The following ATP8A2 variants were observed in gnomAD, a reference collection of about 807,000 sequenced individuals.
The protein encoded by ATP8A2 is phospholipid-transporting ATPase IB.
Under a neutral mutation model 165.6 loss-of-function variants are expected in ATP8A2, and 100 were observed. That is an observed-to-expected ratio of 0.60 (90% CI 0.51 to 0.71). The LOEUF (loss-of-function observed/expected upper bound fraction) is 0.71, where lower values mean the gene tolerates loss of function less well. ATP8A2 is among the 30% of genes least tolerant of loss of function. The probability of loss-of-function intolerance (pLI) is 0.00; values close to 1 mark genes in which losing one functional copy is unlikely to be tolerated. For synonymous variants in ATP8A2, 543 were observed against 548.8 expected (o/e 0.99, Z 0.15); for missense variants, 1,227 against 1,479.5 (o/e 0.83, Z 2.80).
intron 25 of ATP8A2, among the ~76,000 whole-genome samples, chr13:25,739,625 T>C (rs1472843956): frequency 6.6e-6 from 1 of 152,126 alleles, no homozygotes; most frequent in Non-Finnish European, 1.5e-5. Flanking sequence ...AAGCTTAACA[T>C]AAATGGCAAG....
chr13:25,988,632 G>A (rs1353624078), intron 35 of ATP8A2, among the ~76,000 whole-genome samples: 2 of 152,132 alleles, frequency 1.3e-5, no homozygotes, highest in Non-Finnish European at 2.9e-5. Context: ...ATTCCAAAGT[G>A]CCCAGGACTG....
In ATP8A2 at chr13:25,873,829, G is replaced by T. The variant is rs942735883; in HGVS notation, c.3183+11421G>T. 7 of 169,000 alleles carry T rather than the reference G, an allele frequency of 4.1e-5. No homozygotes were observed. The East Asian group carries it at 9.4e-4, about 23-fold the overall frequency. The allele number at this position is 169,000 out of a possible 1,614,324, so 10.5% of individuals were successfully genotyped here. ...AATTTTTTGTATATTTAGTTTCACCGTGTTAGCCAGGATGTTGTTGATCTC... is the reference window on the plus strand; with the variant it reads ...AATTTTTTGTATATTTAGTTTCACCTTGTTAGCCAGGATGTTGTTGATCTC... On this transcript the variant is annotated intron_variant, in intron 33 of 36. Coordinates refer to ENST00000381655, the MANE Select transcript of ATP8A2 (RefSeq NM_016529.6).
intron 25 of ATP8A2, among the ~76,000 whole-genome samples, chr13:25,725,522 G>A (rs999263975): frequency 6.6e-6 from 1 of 152,170 alleles, no homozygotes; most frequent in Admixed American, 6.5e-5. Context: ...AGGGGTGCTG[G>A]GGTGCAGATG....
At chr13:25,955,062 G>T (rs1004382721) in intron 33 of ATP8A2, among the ~76,000 whole-genome samples, 2 of 152,164 alleles carry the variant, frequency 1.3e-5, no homozygotes, top group Non-Finnish European at 2.9e-5. Flanking sequence ...TGAGCTAAAG[G>T]AGCATGTTCT....
chr13:25,998,191 G>C (rs945045641), intron 35 of ATP8A2, among the ~76,000 whole-genome samples: 2 of 152,188 alleles, frequency 1.3e-5, no homozygotes, highest in Non-Finnish European at 2.9e-5. Flanking sequence ...CCAGTGAAGA[G>C]GGAAAAGGAT....
intron 24 of ATP8A2, among the ~76,000 whole-genome samples, chr13:25,636,396 G>C (rs1251307402): frequency 1.3e-5 from 2 of 152,136 alleles, no homozygotes; most frequent in Non-Finnish European, 1.5e-5. Flanking sequence ...TATATGCATG[G>C]GGTATCCTCG....
chr13:25,811,509 G>A (rs969517575), intron 27 of ATP8A2, among the ~76,000 whole-genome samples: 3 of 152,086 alleles, frequency 2.0e-5, no homozygotes, highest in East Asian at 1.9e-4. Flanking sequence ...TCCTTGCCCC[G>A]GTTGTACTTC....
At chr13:25,898,194 A>G (rs1456615163) in intron 33 of ATP8A2, among the ~76,000 whole-genome samples, 1 of 152,066 alleles carries the variant, frequency 6.6e-6, no homozygotes, top group African/African-American at 2.4e-5. Context: ...TGACCTACAG[A>G]TGGGATTTTG....
At chr13:25,987,479 G>A (rs1262391257) in intron 35 of ATP8A2, among the ~76,000 whole-genome samples, 1 of 152,202 alleles carries the variant, frequency 6.6e-6, no homozygotes, top group Non-Finnish European at 1.5e-5. Context: ...GGACCATTTG[G>A]CATTGTCTGT....
At chr13:25,565,580 GT>G (rs1211397117) in intron 16 of ATP8A2, among the ~76,000 whole-genome samples, 9 of 152,014 alleles carry the variant, frequency 5.9e-5, no homozygotes, top group Non-Finnish European at 2.9e-5. Flanking sequence ...GAGATTGTTT[GT>G]TTTTTTCTTA....
At chr13:25,440,506 G>A (rs1341969052) in intron 1 of ATP8A2, among the ~76,000 whole-genome samples, 6 of 152,136 alleles carry the variant, frequency 3.9e-5, no homozygotes, top group African/African-American at 1.2e-4. Flanking sequence ...GATTATCACA[G>A]GATCAGCCTT....
intron 1 of ATP8A2, among the ~76,000 whole-genome samples, chr13:25,436,048 C>T (rs1367373036): frequency 7.3e-5 from 11 of 150,066 alleles, no homozygotes; most frequent in African/African-American, 2.7e-4. Context: ...TTTATTGGGT[C>T]ATAGCCATAA....
intron 1 of ATP8A2, among the ~76,000 whole-genome samples, chr13:25,390,523 C>T (rs908335863): frequency 2.0e-5 from 3 of 152,182 alleles, no homozygotes; most frequent in Non-Finnish European, 2.9e-5. Flanking sequence ...CCCCTATTTA[C>T]CACTGATCTG....
At chr13:25,534,785 T>G (rs1396621319) in intron 6 of ATP8A2, among the ~76,000 whole-genome samples, 2 of 152,192 alleles carry the variant, frequency 1.3e-5, no homozygotes, top group Non-Finnish European at 2.9e-5. Flanking sequence ...TTAAGGAGTT[T>G]CAAACTTCAG....
At chr13:26,013,623 G>A (rs1441488915) in intron 36 of ATP8A2, among the ~76,000 whole-genome samples, 5 of 151,600 alleles carry the variant, frequency 3.3e-5, no homozygotes, top group African/African-American at 4.9e-5. Context: ...GCAGCGAGCC[G>A]AGGTCATGCC....
At chr13:25,858,452 C>T (rs770136105) in intron 30 of ATP8A2, among the ~76,000 whole-genome samples, 6 of 152,126 alleles carry the variant, frequency 3.9e-5, no homozygotes, top group Non-Finnish European at 8.8e-5. Flanking sequence ...GCGGGGCCTC[C>T]GTTTAGTGCA....
At chr13:25,700,334 A>G (rs1366591422) in intron 25 of ATP8A2, among the ~76,000 whole-genome samples, 2 of 152,192 alleles carry the variant, frequency 1.3e-5, no homozygotes, top group Non-Finnish European at 2.9e-5. Context: ...TATATTCACA[A>G]AATTATGTAA....
chr13:25,537,582 C>T (rs1593487974), intron 6 of ATP8A2, among the ~76,000 whole-genome samples: 1 of 152,130 alleles, frequency 6.6e-6, no homozygotes, highest in South Asian at 2.1e-4. Context: ...CACAGCTCAT[C>T]AGGGGTGCAG....
At chr13:25,619,933 C>G (rs2040927581) in intron 24 of ATP8A2, among the ~76,000 whole-genome samples, 1 of 152,124 alleles carries the variant, frequency 6.6e-6, no homozygotes, top group South Asian at 2.1e-4. Context: ...TTTACTGACC[C>G]CAATCTATAT....
Sources: allele counts gnomAD v4.1 joint callset (sites outside exome capture counted in the v4.1 genomes callset), GRCh38; gene constraint gnomAD v4.1.1; transcripts MANE v1.5; gene names NCBI Gene and HGNC (gene_info 2026-07-23, HGNC 2026-07-21).